CSNK1G3: variants seen among roughly 807,000 people sequenced by gnomAD.
CSNK1G3 encodes casein kinase I isoform gamma-3.
In CSNK1G3, 23 loss-of-function variants were observed where a neutral mutation model predicts 64.3. The ratio of observed to expected loss-of-function variants is 0.36; its 90% CI spans 0.26 to 0.51. The LOEUF (loss-of-function observed/expected upper bound fraction) is 0.51. CSNK1G3 is among the 20% of genes least tolerant of loss of function. The pLI, the probability that CSNK1G3 is intolerant of heterozygous loss-of-function variation, is 0.96. For missense variants in CSNK1G3, 357 were observed against 510.5 expected, an observed-to-expected ratio of 0.70 and a Z score of 2.90; for synonymous variants, 158 against 162.2, an observed-to-expected ratio of 0.97 and a Z score of 0.20.
intron 2 of CSNK1G3, among the ~76,000 whole-genome samples, chr5:123,547,662 C>G (rs548192300): frequency 2.0e-5 from 3 of 152,084 alleles, no homozygotes; most frequent in African/African-American, 7.2e-5. Flanking sequence ...TTCTATCTAT[C>G]TAATTTGTGT....
chr5:123,552,152 A>AT (rs11455353), intron 2 of CSNK1G3, among the ~76,000 whole-genome samples: 89,274 of 148,956 alleles, frequency 0.6, 27,607 homozygotes, highest in African/African-American at 0.78. Context: ...TATGATCCTA[A>AT]TTTTTTTTTT....
At chr5:123,596,644 A>G (rs993784102) in intron 10 of CSNK1G3, among the ~76,000 whole-genome samples, 10 of 152,100 alleles carry the variant, frequency 6.6e-5, no homozygotes, top group Admixed American at 2.0e-4. Context: ...ATTGTTTCAC[A>G]TGTTTTCACA....
At chr5:123,522,357 G>A (rs1285646760) in intron 1 of CSNK1G3, among the ~76,000 whole-genome samples, 1 of 151,556 alleles carries the variant, frequency 6.6e-6, no homozygotes, top group Non-Finnish European at 1.5e-5. Flanking sequence ...AAAAAAATTA[G>A]CGGGGCGTGG....
intron 1 of CSNK1G3, among the ~76,000 whole-genome samples, chr5:123,533,557 A>C (rs1780299329): frequency 6.6e-6 from 1 of 151,598 alleles, no homozygotes; most frequent in Admixed American, 6.6e-5. Context: ...ATTAGTTGGA[A>C]GTTGGAGGTA....
At chr5:123,603,095 G>A (rs1402120325) in intron 10 of CSNK1G3, among the ~76,000 whole-genome samples, 6 of 152,038 alleles carry the variant, frequency 3.9e-5, no homozygotes, top group African/African-American at 2.4e-5. Flanking sequence ...GTGATTTGAT[G>A]TACAAGAAAA....
intron 6 of CSNK1G3, among the ~76,000 whole-genome samples, chr5:123,580,431 G>A (rs1406206715): frequency 6.6e-6 from 1 of 151,880 alleles, no homozygotes; most frequent in African/African-American, 2.4e-5. Flanking sequence ...TTTTATTCTT[G>A]TAGTATCTGT....
chr5:123,520,288 A>G lies in CSNK1G3; in HGVS notation c.-248+7718A>G, dbSNP rs1029551766. Among the ~76,000 whole-genome samples the G allele has an allele frequency of 3.3e-5, 5 of 152,194 alleles. 1 individual carries two copies. Among genetic ancestry groups the G allele is most frequent in the Non-Finnish European group, 7.3e-5 (5 of 68,028 alleles). On this transcript the variant is annotated intron_variant, in intron 1 of 12. Transcript: ENST00000345990. ...ACTATACATGTATACATAGATACAT[A>G]TATGTATGGGTTGTAAGTATATGGA...
intron 4 of CSNK1G3, among the ~76,000 whole-genome samples, chr5:123,559,354 T>C (rs1302901064): frequency 1.3e-5 from 2 of 152,190 alleles, no homozygotes; most frequent in Admixed American, 1.3e-4. Flanking sequence ...GTTTAGAGTT[T>C]AGCAAGTCAT....
intron 2 of CSNK1G3, among the ~76,000 whole-genome samples, chr5:123,551,145 AT>A: frequency 6.6e-6 from 1 of 152,302 alleles, no homozygotes; most frequent in Non-Finnish European, 1.5e-5. Context: ...TTATGAAAAG[AT>A]GATAATATGT....
chr5:123,573,677 G>A (rs1788554574), intron 5 of CSNK1G3, 136 bp downstream of exon 5: 2 of 663,532 alleles, frequency 3.0e-6, no homozygotes, highest in Non-Finnish European at 4.7e-6. Context: ...TACTTTTCAT[G>A]TTGTCTTTCT....
At chr5:123,591,268 A>G (rs1165063920) in intron 9 of CSNK1G3, 51 bp from the exon 10 acceptor site, 1 of 1,154,914 alleles carries the variant, frequency 8.7e-7, no homozygotes, top group Non-Finnish European at 1.2e-6. Context: ...ATGATTTTAA[A>G]TAAGAATTTT....
In CSNK1G3 at chr5:123,533,388, C is replaced by T. The variant is rs138428650; in HGVS notation, c.-247-12029C>T. 5.7e-3 allele frequency among the ~76,000 whole-genome samples: 870 copies of T among 151,902 alleles called. 7 individuals are homozygous for T. Among genetic ancestry groups the T allele is most frequent in the African/African-American group, 0.019 (809 of 41,502 alleles). On this transcript the variant is annotated intron_variant, in intron 1 of 12. Transcript: ENST00000345990. ...TAAAAGTTGAAAATCAGTTATCTATCGTACGGTATTATGACAAGCTTTTGA... is the reference window on the plus strand; with the variant it reads ...TAAAAGTTGAAAATCAGTTATCTATTGTACGGTATTATGACAAGCTTTTGA...
chr5:123,604,926 T>C (rs1795090565), intron 11 of CSNK1G3, 96 bp downstream of exon 12: 2 of 946,072 alleles, frequency 2.1e-6, no homozygotes, highest in South Asian at 3.2e-5. Flanking sequence ...GGAAATTTTT[T>C]TCAGGGAATA....
chr5:123,529,129 TAA>T (rs1181049217), intron 1 of CSNK1G3, among the ~76,000 whole-genome samples: 3 of 152,162 alleles, frequency 2.0e-5, no homozygotes, highest in African/African-American at 7.2e-5. Context: ...ATTCATGTGT[TAA>T]ATAAACTGAG....
At chr5:123,588,977 G>A (rs1791839908) in intron 8 of CSNK1G3, among the ~76,000 whole-genome samples, 1 of 152,044 alleles carries the variant, frequency 6.6e-6, no homozygotes, top group Non-Finnish European at 1.5e-5. Flanking sequence ...TTGGGGAGCT[G>A]TATGCATTTA....
At chr5:123,582,713 G>C (rs1790529937) in intron 6 of CSNK1G3, among the ~76,000 whole-genome samples, 1 of 152,088 alleles carries the variant, frequency 6.6e-6, no homozygotes, top group African/African-American at 2.4e-5. Context: ...TTGTAGTTAA[G>C]TGCTTTAAAA....
intron 1 of CSNK1G3, among the ~76,000 whole-genome samples, chr5:123,515,145 G>A (rs1776920805): frequency 6.6e-6 from 1 of 152,158 alleles, no homozygotes; most frequent in African/African-American, 2.4e-5. Context: ...AATCCAGACT[G>A]TAAAAATGTG....
At chr5:123,612,706 G>C (rs1018907763) in intron 12 of CSNK1G3, among the ~76,000 whole-genome samples, 2 of 152,020 alleles carry the variant, frequency 1.3e-5, no homozygotes, top group Admixed American at 6.6e-5. Flanking sequence ...TTGAACTCCT[G>C]ACCTTGTGAT....
At chr5:123,549,908 AG>A (rs1783316119) in intron 2 of CSNK1G3, among the ~76,000 whole-genome samples, 2 of 152,230 alleles carry the variant, frequency 1.3e-5, no homozygotes, top group Admixed American at 6.5e-5. Flanking sequence ...AGTATGCCAC[AG>A]GAGCTTCCAT....
Sources: allele counts gnomAD v4.1 joint callset (sites outside exome capture counted in the v4.1 genomes callset), GRCh38; gene constraint gnomAD v4.1.1; transcripts MANE v1.5; gene names NCBI Gene and HGNC (gene_info 2026-07-23, HGNC 2026-07-21).